Variants in SLC44A5 observed in about 807,000 individuals in gnomAD.
The protein encoded by SLC44A5 is choline transporter-like protein 5.
Under a neutral mutation model 101.8 loss-of-function variants are expected in SLC44A5, and 57 were observed. The ratio of observed to expected loss-of-function variants is 0.56; its 90% CI spans 0.45 to 0.70. SLC44A5 has a LOEUF of 0.70. SLC44A5 is among the 30% of genes least tolerant of loss of function. The probability of loss-of-function intolerance (pLI) is 0.00; values close to 1 mark genes in which losing one functional copy is unlikely to be tolerated. For synonymous variants in SLC44A5, 281 were observed against 290.9 expected (o/e 0.97, Z 0.35); for missense variants, 737 against 853.1 (o/e 0.86, Z 1.70).
At chr1:75,492,022 A>G (rs1668451797) in intron 2 of SLC44A5, among the ~76,000 whole-genome samples, 1 of 152,154 alleles carries the variant, frequency 6.6e-6, no homozygotes, top group African/African-American at 2.4e-5. Flanking sequence ...GTATCCTGAA[A>G]TAGCCTGTGG....
At chr1:75,622,698 G>A in the SLC44A5 span, among the ~76,000 whole-genome samples, 1 of 151,940 alleles carries the variant, frequency 6.6e-6, no homozygotes, top group Admixed American at 6.6e-5. Context: ...AAACTCTCAA[G>A]GTTTTCTGAA....
the SLC44A5 span, among the ~76,000 whole-genome samples, chr1:75,678,837 C>G: frequency 0.044 from 6,695 of 152,038 alleles, 201 homozygotes; most frequent in African/African-American, 0.092. Context: ...ACATTCAAAC[C>G]AAAGGTAAAG....
intron 2 of SLC44A5, among the ~76,000 whole-genome samples, chr1:75,406,432 T>A (rs1662871716): frequency 6.6e-6 from 1 of 152,076 alleles, no homozygotes; most frequent in Non-Finnish European, 1.5e-5. Context: ...CAGGCCAGTA[T>A]CCTGATGAAC....
At chr1:75,430,255 C>T (rs573809586) in intron 2 of SLC44A5, among the ~76,000 whole-genome samples, 3 of 152,116 alleles carry the variant, frequency 2.0e-5, no homozygotes, top group Non-Finnish European at 4.4e-5. Context: ...CATGAGGACA[C>T]AGCATTCCTC....
chr1:75,626,214 G>A, the SLC44A5 span, among the ~76,000 whole-genome samples: 1 of 152,132 alleles, frequency 6.6e-6, no homozygotes, highest in Non-Finnish European at 1.5e-5. Flanking sequence ...ACCAGAGAAG[G>A]TCAGTGATCA....
At chr1:75,318,440 T>C in intron 4 of SLC44A5, among the ~76,000 whole-genome samples, 1 of 151,894 alleles carries the variant, frequency 6.6e-6, no homozygotes, top group Non-Finnish European at 1.5e-5. Context: ...AGAAATCTGC[T>C]GTATAGATGT....
the SLC44A5 span, among the ~76,000 whole-genome samples, chr1:75,653,902 G>A: frequency 2.0e-5 from 3 of 152,134 alleles, no homozygotes; most frequent in Non-Finnish European, 4.4e-5. Flanking sequence ...AAAAATATTG[G>A]TGAAGATGAT....
At chr1:75,524,125 A>G (rs1361644866) in intron 2 of SLC44A5, among the ~76,000 whole-genome samples, 2 of 152,128 alleles carry the variant, frequency 1.3e-5, no homozygotes, top group Admixed American at 6.5e-5. Flanking sequence ...CTGGGAACAG[A>G]TCTCTTCTTT....
chr1:75,682,600 C>G, the SLC44A5 span, among the ~76,000 whole-genome samples: 74 of 151,696 alleles, frequency 4.9e-4, no homozygotes, highest in Non-Finnish European at 6.3e-4. Flanking sequence ...ATACAAAAAT[C>G]AATTCAAGAT....
At chr1:75,215,678 T>G in intron 19 of SLC44A5, 76 bp downstream of exon 19, 1 of 830,970 alleles carries the variant, frequency 1.2e-6, no homozygotes, top group Non-Finnish European at 2.0e-6. Flanking sequence ...TAAAAGTACT[T>G]TAGAGAGGGC....
chr1:75,665,377 A>G, the SLC44A5 span, among the ~76,000 whole-genome samples: 1 of 152,060 alleles, frequency 6.6e-6, no homozygotes, highest in Non-Finnish European at 1.5e-5. Flanking sequence ...TCAATAAATG[A>G]TGCTACGTTA....
intron 1 of SLC44A5, among the ~76,000 whole-genome samples, chr1:75,548,630 C>T (rs1452950624): frequency 1.3e-5 from 2 of 152,084 alleles, no homozygotes; most frequent in African/African-American, 4.8e-5. Flanking sequence ...ACACATCTCG[C>T]ATCTGTGAAG....
chr1:75,493,924 C>T (rs773125065), intron 2 of SLC44A5, among the ~76,000 whole-genome samples: 5 of 152,192 alleles, frequency 3.3e-5, no homozygotes, highest in Non-Finnish European at 5.9e-5. Context: ...TGGCTTTTAA[C>T]TAGCTTGTGC....
intron 3 of SLC44A5, among the ~76,000 whole-genome samples, chr1:75,340,282 G>A (rs1657776025): frequency 6.6e-6 from 1 of 152,086 alleles, no homozygotes; most frequent in Admixed American, 6.5e-5. Flanking sequence ...CATATGGAAT[G>A]GCTTTTTTCT....
At chr1:75,325,113 A>G (rs1041935124) in intron 4 of SLC44A5, among the ~76,000 whole-genome samples, 2 of 152,186 alleles carry the variant, frequency 1.3e-5, no homozygotes, top group African/African-American at 2.4e-5. Context: ...TGGAGTGTAT[A>G]ATGCATAAAG....
chr1:75,264,127 T>C (rs1300137335), intron 6 of SLC44A5, among the ~76,000 whole-genome samples: 3 of 57,208 alleles, frequency 5.2e-5, no homozygotes, highest in Non-Finnish European at 1.0e-4. Context: ...CTTAAAGTAT[T>C]TAAAAAAAAA....
At chr1:75,456,175 AT>A (rs1666178829) in intron 2 of SLC44A5, among the ~76,000 whole-genome samples, 1 of 152,162 alleles carries the variant, frequency 6.6e-6, no homozygotes, top group South Asian at 2.1e-4. Context: ...TACTACAGTC[AT>A]AAAAAGAATG....
At position 75,213,950 on chromosome 1, in the gene SLC44A5, G is replaced by A. The variant is rs1157442277; in HGVS notation, c.1842C>T (p.Phe614=). Residue 614 remains phenylalanine, a synonymous_variant, in exon 21 of 24, where the codon TTC becomes TTT. Transcript: ENST00000370859. ...VTDEVTYFVL[F]LGKLLVAGSI... Reference sequence around the variant, plus strand: ...TTCCAGCAACTAGAAGTTTCCCCAGGAATAATACAAAGTATGTAACTTCAT... The same window carrying A: ...TTCCAGCAACTAGAAGTTTCCCCAGAAATAATACAAAGTATGTAACTTCAT... 1.3e-6 allele frequency: 2 copies of A among 1,595,186 alleles called. No individual in the cohort carries two copies. Among genetic ancestry groups the A allele is most frequent in the South Asian group, 1.1e-5 (1 of 87,994 alleles).
At chr1:75,364,009 C>T (rs558883135) in intron 3 of SLC44A5, among the ~76,000 whole-genome samples, 17 of 152,224 alleles carry the variant, frequency 1.1e-4, no homozygotes, top group Admixed American at 7.2e-4. Flanking sequence ...TTGTCTGCAG[C>T]GCTTTTGCTA....
Sources: allele counts gnomAD v4.1 joint callset (sites outside exome capture counted in the v4.1 genomes callset), GRCh38; gene constraint gnomAD v4.1.1; transcripts MANE v1.5; gene names NCBI Gene and HGNC (gene_info 2026-07-23, HGNC 2026-07-21).